Variants in CDH18 observed in about 807,000 individuals in gnomAD.
CDH18 encodes cadherin-18.
In CDH18, 31 loss-of-function variants were observed where a neutral mutation model predicts 67.9. The observed-to-expected ratio is 0.46, with a 90% CI of 0.34 to 0.62. The LOEUF is 0.62. Ranked by LOEUF, CDH18 falls within the 20% of genes least tolerant of loss-of-function variation. The pLI is 0.01. For missense variants in CDH18, 890 were observed against 975.5 expected, an observed-to-expected ratio of 0.91 and a Z score of 1.17; for synonymous variants, 362 against 347.2, an observed-to-expected ratio of 1.04 and a Z score of -0.48.
At chr5:20,160,602 T>C (rs975937733) in intron 2 of CDH18, among the ~76,000 whole-genome samples, 1 of 152,224 alleles carries the variant, frequency 6.6e-6, no homozygotes, top group Non-Finnish European at 1.5e-5. Context: ...TTATCAAATT[T>C]GGATTTTATC....
At chr5:20,230,516 C>T (rs1332823514) in intron 2 of CDH18, among the ~76,000 whole-genome samples, 1 of 152,034 alleles carries the variant, frequency 6.6e-6, no homozygotes, top group Non-Finnish European at 1.5e-5. Flanking sequence ...ATTAAATAAA[C>T]TCTAGTTTTC....
At chr5:20,014,797 T>A (rs117999395) in intron 2 of CDH18, among the ~76,000 whole-genome samples, 1 of 152,128 alleles carries the variant, frequency 6.6e-6, no homozygotes, top group Non-Finnish European at 1.5e-5. Context: ...GGCTGAAGCA[T>A]ATAAGCATTA....
intron 2 of CDH18, among the ~76,000 whole-genome samples, chr5:20,096,325 C>T (rs1745985789): frequency 6.6e-6 from 1 of 152,030 alleles, no homozygotes; most frequent in Non-Finnish European, 1.5e-5. Context: ...TTATACTCAG[C>T]ACAATCATTT....
intron 1 of CDH18, among the ~76,000 whole-genome samples, chr5:20,266,571 ATTTTTTTT>A (rs34718835): frequency 5.9e-4 from 35 of 59,184 alleles, no homozygotes; most frequent in East Asian, 2.1e-3. Context: ...GCCCGGCTGA[ATTTTTTTT>A]TTTTTTTTTT....
At chr5:20,164,902 A>G (rs1344465178) in intron 2 of CDH18, among the ~76,000 whole-genome samples, 2 of 152,150 alleles carry the variant, frequency 1.3e-5, no homozygotes, top group African/African-American at 4.8e-5. Flanking sequence ...TATAAGCTTC[A>G]TCTGCACCAT....
intron 5 of CDH18, among the ~76,000 whole-genome samples, chr5:19,686,398 T>G (rs1270097748): frequency 6.6e-6 from 1 of 152,086 alleles, no homozygotes; most frequent in African/African-American, 2.4e-5. Context: ...TTTGGAAGAG[T>G]TACAGCTTGT....
At chr5:19,895,225 A>T (rs991264753) in intron 2 of CDH18, among the ~76,000 whole-genome samples, 1 of 152,166 alleles carries the variant, frequency 6.6e-6, no homozygotes, top group Non-Finnish European at 1.5e-5. Context: ...ACTTGAGCTG[A>T]AATAGGTAGA....
intron 5 of CDH18, among the ~76,000 whole-genome samples, chr5:19,703,260 G>C (rs1194589786): frequency 6.6e-6 from 1 of 152,100 alleles, no homozygotes; most frequent in Non-Finnish European, 1.5e-5. Context: ...TGGAGAACAT[G>C]GAACTAAGCT....
intron 1 of CDH18, among the ~76,000 whole-genome samples, chr5:20,487,346 G>GTATAAACCTATATATATA (rs1172331214): frequency 0.031 from 4,625 of 148,418 alleles, 239 homozygotes; most frequent in African/African-American, 0.11. Context: ...ACCTATATAT[G>GTATAAACCTATATATATA]TATAAACCTA....
chr5:19,544,480 T>C (rs1735975830), intron 8 of CDH18, among the ~76,000 whole-genome samples: 3 of 152,302 alleles, frequency 2.0e-5, no homozygotes, highest in Middle Eastern at 6.8e-3. Context: ...AACATTTATA[T>C]TTATTAACAT....
At position 20,555,478 on chromosome 5, in the gene CDH18, C is replaced by T. The variant is rs562456211; in HGVS notation, c.-580+19984G>A. On this transcript the variant is annotated intron_variant, in intron 1 of 14. Coordinates refer to the CDH18 transcript ENST00000507958. ...TTTTTCTTTGAGACAGATTCTCTCA[C>T]TTTGTCACCAGGCTAGAGTGCAGTG... Among the ~76,000 whole-genome samples the T allele has an allele frequency of 1.9e-4, 23 of 121,000 alleles. No individual in the cohort carries two copies. The South Asian group carries it at 4.0e-3, about 21-fold the overall frequency. 79.4% of individuals were successfully genotyped at this position (121,000 alleles called of 152,430 possible).
At chr5:19,814,681 T>C (rs1176758006) in intron 3 of CDH18, among the ~76,000 whole-genome samples, 1 of 151,882 alleles carries the variant, frequency 6.6e-6, no homozygotes, top group Non-Finnish European at 1.5e-5. Context: ...AATAATAGAA[T>C]GCAGGTTGAA....
At chr5:19,689,991 T>A (rs1227081744) in intron 5 of CDH18, among the ~76,000 whole-genome samples, 1 of 150,956 alleles carries the variant, frequency 6.6e-6, no homozygotes, top group African/African-American at 2.4e-5. Flanking sequence ...AGGCTATAAG[T>A]CAAACACAGT....
At chr5:19,707,636 A>G (rs938937688) in intron 5 of CDH18, among the ~76,000 whole-genome samples, 2 of 152,192 alleles carry the variant, frequency 1.3e-5, no homozygotes, top group African/African-American at 4.8e-5. Context: ...CACCTTCACT[A>G]TCAATCTTGG....
At chr5:19,852,894 C>T (rs537091719) in intron 2 of CDH18, among the ~76,000 whole-genome samples, 3 of 151,894 alleles carry the variant, frequency 2.0e-5, no homozygotes, top group South Asian at 4.2e-4. Context: ...TTGAAAACTG[C>T]ACTTATAAAT....
At chr5:19,857,024 A>G (rs983952687) in intron 2 of CDH18, among the ~76,000 whole-genome samples, 1 of 152,024 alleles carries the variant, frequency 6.6e-6, no homozygotes, top group Admixed American at 6.6e-5. Flanking sequence ...GGAGTTTGAG[A>G]CAAGCCAGGG....
chr5:20,353,301 C>T (rs1285563120), intron 1 of CDH18, among the ~76,000 whole-genome samples: 3 of 151,938 alleles, frequency 2.0e-5, no homozygotes, highest in Non-Finnish European at 4.4e-5. Context: ...ATGCGCTTGC[C>T]AGTAATATGA....
Position 19,694,399 on chromosome 5 carries a change from A to G in CDH18, c.643+26948T>C, listed in dbSNP as rs550698606. On this transcript the variant is annotated intron_variant, in intron 5 of 12. Coordinates refer to ENST00000382275, the MANE Select transcript of CDH18 (RefSeq NM_004934.5). ...TGTTAACTAATAGGATTGCCTTCAT[A>G]TGCTCACATATTGTGAAATTATGGA... 5.1e-4 allele frequency among the ~76,000 whole-genome samples: 77 copies of G among 152,282 alleles called. 3 individuals are homozygous for G. Among genetic ancestry groups the G allele is most frequent in the Admixed American group, 4.0e-3 (61 of 15,286 alleles).
intron 1 of CDH18, among the ~76,000 whole-genome samples, chr5:20,353,085 G>T (rs1242514846): frequency 1.3e-5 from 2 of 152,022 alleles, no homozygotes; most frequent in African/African-American, 4.8e-5. Context: ...TTGAAAGAAG[G>T]TTATATACAA....
Sources: gnomAD v4.1 joint callset for allele counts (sites outside exome capture counted in the v4.1 genomes callset) on GRCh38, gnomAD v4.1.1 for gene constraint, MANE v1.5 for transcripts, NCBI Gene and HGNC (gene_info 2026-07-23, HGNC 2026-07-21) for gene names.